Variants in NISCH observed in about 807,000 individuals in gnomAD.
NISCH encodes nischarin, also known as I-1 receptor candidate protein.
Under a neutral mutation model 138.4 loss-of-function variants are expected in NISCH, and 55 were observed. That is an observed-to-expected ratio of 0.40 (90% CI 0.32 to 0.50). NISCH has a LOEUF of 0.50. NISCH is among the 20% of genes least tolerant of loss of function. The pLI is 0.71. For synonymous variants in NISCH, 860 were observed against 861.5 expected (o/e 1.00, Z 0.03); for missense variants, 1,643 against 2,005.5 (o/e 0.82, Z 3.45).
Position 52,490,069 on chromosome 3 carries a change from C to G in NISCH, c.3457-6C>G. The G allele has an allele frequency of 6.2e-7, 1 of 1,613,460 alleles. No homozygotes were observed. The highest frequency in any genetic ancestry group is 8.5e-7 in the Non-Finnish European group (1 of 1,179,958). The stretch of plus-strand genomic sequence containing the variant: ...GTGGAGCTGACAGGAGGCCCCCCGT[C>G]TTCAGGTTGAAAACGAGGAGCTGAG... On this transcript the variant is annotated splice_polypyrimidine_tract_variant and splice_region_variant and intron_variant, in intron 17 of 20. Coordinates refer to ENST00000345716, the MANE Select transcript of NISCH (RefSeq NM_007184.4).
rs1707168015 is a variant in NISCH at position 52,478,445 on chromosome 3, G to C, written c.1174-4G>C. ...CCAAAGGGGATGGAACTCATACCTT[G>C]CAGATGGAGGAGGTCCGGAGCATAG... On this transcript the variant is annotated splice_region_variant and splice_polypyrimidine_tract_variant and intron_variant, in intron 10 of 20. Coordinates refer to ENST00000345716, the MANE Select transcript of NISCH (RefSeq NM_007184.4). 6.2e-7 allele frequency: 1 copy of C among 1,614,232 alleles called. No individual in the cohort carries two copies. Among genetic ancestry groups the C allele is most frequent in the Non-Finnish European group, 8.5e-7 (1 of 1,180,044 alleles).
At position 52,463,931 on chromosome 3, in the gene NISCH, C is replaced by T. The variant is rs983804915; in HGVS notation, c.360+5087C>T. Among the ~76,000 whole-genome samples, 205 of 150,540 alleles carry T rather than the reference C, an allele frequency of 1.4e-3. 2 individuals carry two copies. Among genetic ancestry groups the T allele is most frequent in the African/African-American group, 4.5e-3 (183 of 41,122 alleles). On this transcript the variant is annotated intron_variant, in intron 3 of 20. Transcript: ENST00000345716. ...CATTAGAGACGGGGTTTCACCATGT[C>T]GGCCAGGATGGTCTCGAACTTCTGG...
chr3:52,472,030 A>G (rs1437972693), intron 5 of NISCH, 53 bp downstream of exon 5: 33 of 1,516,238 alleles, frequency 2.2e-5, no homozygotes, highest in Non-Finnish European at 2.8e-5. Context: ...TGGGGGTGCA[A>G]CCTGCGGGGG....
At chr3:52,475,004 T>C (rs889466575) in intron 7 of NISCH, among the ~76,000 whole-genome samples, 7 of 152,172 alleles carry the variant, frequency 4.6e-5, no homozygotes, top group African/African-American at 1.7e-4. Context: ...TTAAAATCTT[T>C]CCCTGGGTAT....
chr3:52,491,456 C>G lies in NISCH; in HGVS notation c.3847C>G (p.Pro1283Ala). Residue 1283 changes from proline to alanine, a missense_variant, in exon 20 of 21, where the codon CCC (proline) becomes GCC (alanine). By Grantham distance (27) the Pro-to-Ala change is conservative. Transcript: ENST00000345716. ...CGTGCTGTCCTCTCTGGAACGCACGCCCTCGCCGGAGCCTGTTGACAAGGA... is the reference window on the plus strand; with the variant it reads ...CGTGCTGTCCTCTCTGGAACGCACGGCCTCGCCGGAGCCTGTTGACAAGGA... ...MVVLSSLERT[P>A]SPEPVDKDFY... 1.2e-6 allele frequency: 2 copies of G among 1,613,490 alleles called. No homozygotes were observed. The highest frequency in any genetic ancestry group is 1.7e-6 in the Non-Finnish European group (2 of 1,179,976).
chr3:52,479,251 C>T (rs1264933185), intron 11 of NISCH, among the ~76,000 whole-genome samples: 1 of 152,128 alleles, frequency 6.6e-6, no homozygotes, highest in Non-Finnish European at 1.5e-5. Flanking sequence ...ATTCAACCAC[C>T]CTACCCAACC....
At chr3:52,458,389 G>A (rs1373223527) in intron 2 of NISCH, among the ~76,000 whole-genome samples, 2 of 152,150 alleles carry the variant, frequency 1.3e-5, no homozygotes, top group Non-Finnish European at 1.5e-5. Flanking sequence ...TGGAAAAGAT[G>A]GCAATTTTAG....
intron 3 of NISCH, among the ~76,000 whole-genome samples, chr3:52,463,658 G>A (rs190510443): frequency 6.8e-6 from 1 of 147,866 alleles, no homozygotes; most frequent in African/African-American, 2.5e-5. Flanking sequence ...GGTGTGAAGT[G>A]GTATCTCATT....
chr3:52,476,207 A>G (rs1226755479), intron 7 of NISCH: 1 of 494,690 alleles, frequency 2.0e-6, no homozygotes, highest in Non-Finnish European at 3.7e-6. Context: ...CTTGAAAAGC[A>G]TTGCTCCTAA....
chr3:52,484,462 T>TTCCCCCCCCCC, intron 13 of NISCH, 51 bp from the exon 14 acceptor site: 1 of 788,670 alleles, frequency 1.3e-6, no homozygotes, highest in Non-Finnish European at 1.8e-6. Flanking sequence ...ACAGCCGCTC[T>TTCCCCCCCCCC]CCCCGCCCCA....
rs761327037 is a variant in NISCH, at chr3:52,476,581, C to T, written c.900C>T (p.Ser300=). The T allele has an allele frequency of 2.0e-5, 33 of 1,614,014 alleles. No homozygotes were observed. Among genetic ancestry groups the T allele is most frequent in the Admixed American group, 1.5e-4 (9 of 59,996 alleles). ...TTGACCTGAGCCACAACAGCGTCTC[C>T]GAGATCGACGAGTCTGTGGTATGCT... The part of the protein sequence containing the change: ...TTLDLSHNSV[S]EIDESVKLIP... The change falls in exon 8 of 21, where the codon TCC becomes TCT. Residue 300 remains serine (S), a synonymous_variant. Transcript: ENST00000345716.
Position 52,489,443 on chromosome 3 carries a change from C to A in NISCH, c.3221C>A (p.Thr1074Asn). Reference protein sequence around the residue: ...AAASASGPAKTPAPAEASTSA... With the variant: ...AAASASGPAKNPAPAEASTSA... ...GCCTCAGCCTCAGGCCCAGCGAAGACTCCGGCCCCAGCAGAGGCCTCAACT... is the reference window on the plus strand; with the variant it reads ...GCCTCAGCCTCAGGCCCAGCGAAGAATCCGGCCCCAGCAGAGGCCTCAACT... Residue 1074 changes from threonine (T) to asparagine (N), a missense_variant, in exon 17 of 21, where the codon ACT (threonine) becomes AAT (asparagine). Transcript: ENST00000345716. 6.2e-7 allele frequency: 1 copy of A among 1,602,320 alleles called. No individual in the cohort carries two copies. The highest frequency in any genetic ancestry group is 8.5e-7 in the Non-Finnish European group (1 of 1,170,274).
At chr3:52,472,430 C>G (rs752105676) in intron 6 of NISCH, 32 bp downstream of exon 6, 2 of 1,554,584 alleles carry the variant, frequency 1.3e-6, no homozygotes, top group East Asian at 2.2e-5. Flanking sequence ...CATCCTCTCG[C>G]TCCCAACTCA....
In NISCH at chr3:52,490,201, C is replaced by G; in HGVS notation, c.3583C>G (p.Leu1195Val). 6.2e-7 allele frequency: 1 copy of G among 1,613,114 alleles called. No individual in the cohort carries two copies. Among genetic ancestry groups the G allele is most frequent in the East Asian group, 2.2e-5 (1 of 44,882 alleles). The change falls in exon 18 of 21, where the codon CTC (leucine) becomes GTC (valine). Residue 1195 changes from leucine to valine, a missense_variant. Physicochemically the swap from Leu to Val is conservative, Grantham distance 32 (BLOSUM62 1). Coordinates refer to ENST00000345716, the MANE Select transcript of NISCH (RefSeq NM_007184.4). ...TGTGTACTTTGTGCTCCACGACGGC[C>G]TCCGCCGCTACTTCTCAGAGCCACT... ...KAVYFVLHDGLRRYFSEPLQD... is the reference protein window; with the variant it reads ...KAVYFVLHDGVRRYFSEPLQD...
rs1443317050 is a variant in NISCH, at chr3:52,471,846, G to A, written c.442G>A (p.Ala148Thr). Residue 148 changes from alanine (A) to threonine (T), a missense_variant, in exon 5 of 21, where the codon GCC becomes ACC. Coordinates refer to ENST00000345716, the MANE Select transcript of NISCH (RefSeq NM_007184.4). ...GCTCCTGGGGGCCGGCGAGGTCTTT[G>A]CCATTGGACCCCTGCAGCTGTATGC... Reference protein sequence around the residue: ...EQLLGAGEVFAIGPLQLYAVT... With the variant: ...EQLLGAGEVFTIGPLQLYAVT... 1 of 1,613,972 alleles carries A rather than the reference G, an allele frequency of 6.2e-7. No homozygotes were observed. The highest frequency in any genetic ancestry group is 1.7e-5 in the Admixed American group (1 of 60,014).
intron 13 of NISCH, 64 bp downstream of exon 13, chr3:52,480,359 G>A (rs777278039): frequency 4.4e-6 from 7 of 1,597,364 alleles, no homozygotes; most frequent in African/African-American, 1.3e-5. Context: ...CCCTGGCTGG[G>A]CTGGGGTTGG....
intron 13 of NISCH, 56 bp downstream of exon 13, chr3:52,480,351 C>T: frequency 6.2e-7 from 1 of 1,602,596 alleles, no homozygotes; most frequent in Non-Finnish European, 8.5e-7. Context: ...CCTGGGCCCC[C>T]TGGCTGGGCT....
intron 9 of NISCH, chr3:52,477,865 C>T: frequency 1.6e-6 from 1 of 626,830 alleles, no homozygotes; most frequent in Non-Finnish European, 2.8e-6. Flanking sequence ...GCACCTCCGT[C>T]CTGAAGGTGG....
chr3:52,464,392 C>T (rs763897008), intron 3 of NISCH, among the ~76,000 whole-genome samples: 1 of 150,274 alleles, frequency 6.7e-6, no homozygotes, highest in Non-Finnish European at 1.5e-5. Flanking sequence ...GTAAGACTGT[C>T]TAAAAAAACA....
Sources: gnomAD v4.1 joint callset for allele counts (sites outside exome capture counted in the v4.1 genomes callset) on GRCh38, gnomAD v4.1.1 for gene constraint, MANE v1.5 for transcripts, NCBI Gene and HGNC (gene_info 2026-07-23, HGNC 2026-07-21) for gene names.